SLC26A3: variants seen among roughly 807,000 people sequenced by gnomAD.
SLC26A3 encodes the protein chloride anion exchanger.
In SLC26A3, 64 loss-of-function variants were observed where a neutral mutation model predicts 85.6. That is an observed-to-expected ratio of 0.75 (90% CI 0.61 to 0.92). SLC26A3 has a LOEUF of 0.92. SLC26A3 is among the 40% of genes least tolerant of loss of function. The pLI is 0.00. For synonymous variants in SLC26A3, 349 were observed against 336.0 expected, an observed-to-expected ratio of 1.04 and a Z score of -0.42; for missense variants, 922 against 927.3, an observed-to-expected ratio of 0.99 and a Z score of 0.07.
intron 15 of SLC26A3, among the ~76,000 whole-genome samples, chr7:107,775,768 T>C (rs1794102746): frequency 6.6e-6 from 1 of 151,942 alleles, no homozygotes; most frequent in South Asian, 2.1e-4. Flanking sequence ...GGAAGTTTAC[T>C]AGAGTAATCG....
intron 1 of SLC26A3, among the ~76,000 whole-genome samples, chr7:107,796,937 T>C (rs1352854657): frequency 2.6e-5 from 4 of 152,260 alleles, no homozygotes; most frequent in African/African-American, 4.8e-5. Flanking sequence ...AAAAAGATCT[T>C]GAAGGTACTT....
chr7:107,797,874 C>G (rs1365274658), intron 1 of SLC26A3, among the ~76,000 whole-genome samples: 2 of 151,664 alleles, frequency 1.3e-5, no homozygotes, highest in Non-Finnish European at 2.9e-5. Flanking sequence ...TACATTTTTG[C>G]CAGAAATTCT....
chr7:107,786,848 A>T lies in SLC26A3; in HGVS notation c.950T>A (p.Val317Glu). ...CDFKNRFKVA[V>E]VGDMNPGFQP... ...TTACCCAGGATTCATGTCCCCAACC[A>T]CAGCCACTTTAAACCTGTTTTTAAA... Residue 317 changes from valine (V) to glutamate (E), a missense_variant, in exon 8 of 21, where the codon GTG becomes GAG. Transcript: ENST00000340010. 1 of 1,613,514 alleles carries T rather than the reference A, an allele frequency of 6.2e-7. No homozygotes were observed. Among genetic ancestry groups the T allele is most frequent in the Non-Finnish European group, 8.5e-7 (1 of 1,179,862 alleles).
At chr7:107,778,992 T>TA (rs756737558) in intron 12 of SLC26A3, among the ~76,000 whole-genome samples, 17 of 151,510 alleles carry the variant, frequency 1.1e-4, no homozygotes, top group East Asian at 9.7e-4. Flanking sequence ...TCCTATCTCT[T>TA]AAAAAAAAAT....
chr7:107,778,037 G>T, intron 13 of SLC26A3, 138 bp downstream of exon 13: 1 of 710,868 alleles, frequency 1.4e-6, no homozygotes, highest in Non-Finnish European at 2.6e-6. Context: ...CAACTGGAGG[G>T]AGGATAAACT....
chr7:107,773,992 G>A lies in SLC26A3; in HGVS notation c.1935C>T (p.Ser645=), dbSNP rs748000444. Residue 645 remains serine (S), a synonymous_variant, in exon 17 of 21, where the codon AGC becomes AGT. Coordinates refer to ENST00000340010, the MANE Select transcript of SLC26A3 (RefSeq NM_000111.3). ...LPLNIEVPKI[S]LHSLILDFSA... ...AAAAGTCAAGAATGAGGCTGTGGAG[G>A]CTGATTTTGGGGACCTCAATGTTGA... 1.9e-6 allele frequency: 3 copies of A among 1,614,154 alleles called. No homozygotes were observed. In the South Asian group the frequency reaches 3.3e-5, roughly 18 times the overall value.
intron 20 of SLC26A3, among the ~76,000 whole-genome samples, chr7:107,766,597 C>T (rs140840395): frequency 6.6e-6 from 1 of 152,254 alleles, no homozygotes; most frequent in African/African-American, 2.4e-5. Context: ...TAATAATGTT[C>T]CAGATTTATC....
At chr7:107,794,655 C>T (rs1584413275) in intron 1 of SLC26A3, 58 bp from the exon 2 acceptor site, 2 of 838,914 alleles carry the variant, frequency 2.4e-6, no homozygotes, top group East Asian at 5.1e-5. Flanking sequence ...ATGCAATTTA[C>T]AGATGAGTGA....
intron 7 of SLC26A3, 63 bp from the exon 8 acceptor site, chr7:107,786,972 G>C (rs2115857391): frequency 7.0e-7 from 1 of 1,427,832 alleles, no homozygotes; most frequent in Non-Finnish European, 9.9e-7. Context: ...TTGCTTTGAA[G>C]AAAAATAAAT....
intron 18 of SLC26A3, among the ~76,000 whole-genome samples, chr7:107,771,002 G>C (rs1220303600): frequency 6.6e-6 from 1 of 152,184 alleles, no homozygotes; most frequent in Non-Finnish European, 1.5e-5. Flanking sequence ...AGCATTATAG[G>C]GATGGGCAAG....
At chr7:107,777,988 A>G (rs1794147746) in intron 13 of SLC26A3, among the ~76,000 whole-genome samples, 187 bp downstream of exon 13, 1 of 152,234 alleles carries the variant, frequency 6.6e-6, no homozygotes, top group South Asian at 2.1e-4. Flanking sequence ...GATGTTCTAA[A>G]GCTGGGCCGT....
intron 1 of SLC26A3, 102 bp from the exon 2 acceptor site, chr7:107,794,699 A>G (rs904779296): frequency 3.2e-6 from 2 of 624,798 alleles, no homozygotes; most frequent in African/African-American, 3.7e-5. Context: ...TTTTAAGATC[A>G]AAAAAGGCAG....
Position 107,765,846 on chromosome 7 carries a change from A to T in SLC26A3, c.*9T>A, listed in dbSNP as rs1584398078. On this transcript the variant is annotated 3_prime_UTR_variant, in exon 21 of 21. Transcript: ENST00000340010. Reference sequence around the variant, plus strand: ...AGTCAGATGAAGATCCTTCTGAATTATATGTTGATTAGAATTTTGTTTCAA... The same window carrying T: ...AGTCAGATGAAGATCCTTCTGAATTTTATGTTGATTAGAATTTTGTTTCAA... 6.2e-7 allele frequency: 1 copy of T among 1,606,610 alleles called. No homozygotes were observed. The highest frequency in any genetic ancestry group is 2.2e-5 in the East Asian group (1 of 44,752).
chr7:107,767,672 T>C, intron 19 of SLC26A3, 28 bp from the exon 20 acceptor site: 2 of 1,603,094 alleles, frequency 1.2e-6, no homozygotes, highest in Non-Finnish European at 1.7e-6. Flanking sequence ...GAAATATGGA[T>C]TAGGGGCTGA....
intron 15 of SLC26A3, among the ~76,000 whole-genome samples, chr7:107,775,562 A>C (rs764149158): frequency 6.6e-6 from 1 of 151,992 alleles, no homozygotes; most frequent in Non-Finnish European, 1.5e-5. Context: ...TCGTCTCTAC[A>C]AAAGATTTAA....
chr7:107,782,899 C>T, intron 10 of SLC26A3, 25 bp from the exon 11 acceptor site: 1 of 1,613,842 alleles, frequency 6.2e-7, no homozygotes, highest in Non-Finnish European at 8.5e-7. Flanking sequence ...AAATTATCAT[C>T]ACCAACTCAA....
At chr7:107,801,695 C>T (rs541106577) in intron 1 of SLC26A3, among the ~76,000 whole-genome samples, 31 of 152,044 alleles carry the variant, frequency 2.0e-4, no homozygotes, top group Non-Finnish European at 4.1e-4. Context: ...TACTTATTCC[C>T]TTATCCAGAG....
Position 107,786,920 on chromosome 7 carries a change from G to T in SLC26A3, c.889-11C>A. On this transcript the variant is annotated splice_polypyrimidine_tract_variant and intron_variant, in intron 7 of 20. Transcript: ENST00000340010. Reference sequence around the variant, plus strand: ...TGCTGCAATCACGGTCTGCAAAGTTGCAAATGGCCCAAGTTAGAAATGTGA... The same window carrying T: ...TGCTGCAATCACGGTCTGCAAAGTTTCAAATGGCCCAAGTTAGAAATGTGA... The T allele has an allele frequency of 6.2e-7, 1 of 1,611,764 alleles. No individual in the cohort carries two copies. Among genetic ancestry groups the T allele is most frequent in the Non-Finnish European group, 8.5e-7 (1 of 1,178,242 alleles).
In SLC26A3 at chr7:107,782,671, AAGAAG is replaced by A. The variant is rs1794231002; in HGVS notation, c.1311+121_1311+125del. On this transcript the variant is annotated intron_variant, in intron 11 of 20. Coordinates refer to ENST00000340010, the MANE Select transcript of SLC26A3 (RefSeq NM_000111.3). ...TTTTGGCTCATACAGAGTATTGGCT[AAGAAG>A]AGTACTTGAGAGTTTGTCATTACCT... 3.2e-6 allele frequency: 3 copies of A among 928,606 alleles called. No individual in the cohort carries two copies. The East Asian group carries it at 7.2e-5, about 22-fold the overall frequency. The allele number at this position is 928,606 out of a possible 1,614,324, so 57.5% of individuals were successfully genotyped here. A position where few individuals can be genotyped will look rare whatever the true frequency, so the allele number is the denominator to read the frequency against.
Sources: allele counts gnomAD v4.1 joint callset (sites outside exome capture counted in the v4.1 genomes callset), GRCh38; gene constraint gnomAD v4.1.1; transcripts MANE v1.5; gene names NCBI Gene and HGNC (gene_info 2026-07-23, HGNC 2026-07-21).